TACC2: variants seen among roughly 807,000 people sequenced by gnomAD.
TACC2 encodes the protein transforming acidic coiled-coil containing protein 2, also known as transforming acidic coiled-coil-containing protein 2.
Under a neutral mutation model 227.3 loss-of-function variants are expected in TACC2, and 137 were observed. The ratio of observed to expected loss-of-function variants is 0.60; its 90% CI spans 0.52 to 0.69. TACC2 has a LOEUF of 0.69. TACC2 is among the 30% of genes least tolerant of loss of function. The pLI, the probability that TACC2 is intolerant of heterozygous loss-of-function variation, is 0.00. For missense variants in TACC2, 3,470 were observed against 3,694.4 expected (o/e 0.94, Z 1.57); for synonymous variants, 1,523 against 1,487.5 (o/e 1.02, Z -0.55).
At chr10:121,992,601 T>C (rs934178890) in intron 1 of TACC2, among the ~76,000 whole-genome samples, 2 of 152,206 alleles carry the variant, frequency 1.3e-5, no homozygotes, top group African/African-American at 4.8e-5. Context: ...ATTCTCTTTT[T>C]CTGCCTGATG....
At chr10:122,071,948 C>T (rs1186547561) in intron 3 of TACC2, among the ~76,000 whole-genome samples, 2 of 149,506 alleles carry the variant, frequency 1.3e-5, no homozygotes, top group African/African-American at 2.5e-5. Flanking sequence ...AATCCACATC[C>T]GCATACACAT....
chr10:122,147,635 T>C (rs11200432), intron 7 of TACC2, among the ~76,000 whole-genome samples: 5,717 of 152,342 alleles, frequency 0.038, 218 homozygotes, highest in East Asian at 0.19. Flanking sequence ...CATGTATTTA[T>C]ATCTGCATGG....
chr10:122,226,222 C>T (rs2095625316), intron 12 of TACC2, 144 bp from the exon 13 acceptor site: 1 of 623,494 alleles, frequency 1.6e-6, no homozygotes, highest in Non-Finnish European at 2.9e-6. Context: ...CCCACTTCCT[C>T]CTCTCTTCCT....
intron 3 of TACC2, 75 bp from the exon 4 acceptor site, chr10:122,082,572 T>TG: frequency 6.6e-7 from 1 of 1,507,448 alleles, no homozygotes. Flanking sequence ...GGGGGTGGGT[T>TG]GGGGGGTGAC....
chr10:122,240,176 TC>T (rs2095956047), intron 18 of TACC2, among the ~76,000 whole-genome samples: 1 of 152,164 alleles, frequency 6.6e-6, no homozygotes, highest in Non-Finnish European at 1.5e-5. Context: ...TATTTTCAGG[TC>T]CCCGGTCTCT....
In TACC2 at chr10:122,235,684, A is replaced by G. The variant is rs112311091; in HGVS notation, c.8128-1711A>G. Among the ~76,000 whole-genome samples the G allele has an allele frequency of 1.6e-3, 249 of 152,296 alleles. 1 individual carries two copies. Among genetic ancestry groups the G allele is most frequent in the African/African-American group, 5.7e-3 (236 of 41,568 alleles). ...TGAAACCCATTTTCCAATAGCAGAGATGAACCCCTGCATGTGAGGCTCCGG... is the reference window on the plus strand; with the variant it reads ...TGAAACCCATTTTCCAATAGCAGAGGTGAACCCCTGCATGTGAGGCTCCGG... On this transcript the variant is annotated intron_variant, in intron 16 of 22. Transcript: ENST00000369005.
intron 2 of TACC2, among the ~76,000 whole-genome samples, chr10:122,030,255 T>G (rs140867671): frequency 6.1e-4 from 93 of 152,226 alleles, no homozygotes; most frequent in African/African-American, 2.1e-3. Context: ...TGGGTTACAT[T>G]TTTCTCCCCA....
At chr10:122,237,674 C>A in intron 17 of TACC2, 136 bp downstream of exon 17, 2 of 1,141,532 alleles carry the variant, frequency 1.8e-6, no homozygotes, top group Non-Finnish European at 2.4e-6. Flanking sequence ...GCACACCATG[C>A]GTTTTGATCT....
chr10:122,229,362 C>T lies in TACC2; in HGVS notation c.7913C>T (p.Ser2638Phe), dbSNP rs1256343345. Residue 2638 changes from serine to phenylalanine, a missense_variant, in exon 15 of 23, where the codon TCC becomes TTC. Ser to Phe is a radical substitution (Grantham distance 155). Around this residue, in one of 10 missense-constraint regions of TACC2, gnomAD observed 345 missense variants for 354.4 expected, o/e 0.97. Coordinates refer to ENST00000369005, the MANE Select transcript of TACC2 (RefSeq NM_206862.4). ...EAIEITAPEGSFASADALLSR... is the reference protein window; with the variant it reads ...EAIEITAPEGFFASADALLSR... Reference sequence around the variant, plus strand: ...GGCTTTCAGACAGCTCCCGAGGGCTCCTTTGCCTCTGCTGACGCCCTCCTC... The same window carrying T: ...GGCTTTCAGACAGCTCCCGAGGGCTTCTTTGCCTCTGCTGACGCCCTCCTC... 3.1e-6 allele frequency: 5 copies of T among 1,613,956 alleles called. No homozygotes were observed. The highest frequency in any genetic ancestry group is 1.7e-5 in the Admixed American group (1 of 59,998).
At position 122,237,448 on chromosome 10, in the gene TACC2, C is replaced by G. The variant is rs745530967; in HGVS notation, c.8181C>G (p.Ser2727=). The G allele has an allele frequency of 4.3e-6, 7 of 1,614,026 alleles. No homozygotes were observed. Among genetic ancestry groups the G allele is most frequent in the African/African-American group, 4.0e-5 (3 of 74,906 alleles). Reference sequence around the variant, plus strand: ...CCATCTCCAAAACAGCCTTGTACTCCCGCATCGGGACCGCTGAGGTGGAGA... The same window carrying G: ...CCATCTCCAAAACAGCCTTGTACTCGCGCATCGGGACCGCTGAGGTGGAGA... ...DVSISKTALY[S]RIGTAEVEKP... is the part of the protein sequence containing the mutation. The change falls in exon 17 of 23, where the codon TCC becomes TCG. Residue 2727 remains serine (S), a synonymous_variant. Transcript: ENST00000369005.
At chr10:122,082,438 T>C (rs1213233126) in intron 3 of TACC2, among the ~76,000 whole-genome samples, 1 of 151,950 alleles carries the variant, frequency 6.6e-6, no homozygotes, top group African/African-American at 2.4e-5. Context: ...TACCCTGCAG[T>C]GGTTTTTGGG....
chr10:122,104,131 G>A (rs1565311401), intron 5 of TACC2, among the ~76,000 whole-genome samples: 1 of 152,098 alleles, frequency 6.6e-6, no homozygotes, highest in East Asian at 1.9e-4. Context: ...CTTGATGAAT[G>A]ACTTAATCAT....
intron 2 of TACC2, among the ~76,000 whole-genome samples, chr10:122,028,561 G>A (rs933299908): frequency 6.6e-6 from 1 of 152,116 alleles, no homozygotes; most frequent in African/African-American, 2.4e-5. Context: ...TTTGCATGCT[G>A]ATTTTGTATC....
chr10:122,172,087 C>G (rs767196223), intron 7 of TACC2, among the ~76,000 whole-genome samples: 12 of 152,148 alleles, frequency 7.9e-5, no homozygotes, highest in Non-Finnish European at 1.8e-4. Flanking sequence ...GTACCTGACA[C>G]CTGTTGAGAC....
At chr10:122,230,489 C>A in intron 16 of TACC2, 49 bp downstream of exon 16, 1 of 1,533,162 alleles carries the variant, frequency 6.5e-7, no homozygotes, top group Non-Finnish European at 9.0e-7. Flanking sequence ...GTCATGTGTG[C>A]CGCTGGGGTC....
At chr10:122,192,914 C>T (rs562634760) in intron 7 of TACC2, 1 of 375,114 alleles carries the variant, frequency 2.7e-6, no homozygotes, top group Admixed American at 3.0e-5. Flanking sequence ...GCTCGCCAGG[C>T]TGATCTGAAC....
At chr10:122,107,422 C>G (rs1006148046) in intron 5 of TACC2, among the ~76,000 whole-genome samples, 1 of 151,978 alleles carries the variant, frequency 6.6e-6, no homozygotes, top group Non-Finnish European at 1.5e-5. Flanking sequence ...AACCCCGTCT[C>G]TACTAAAAAT....
chr10:122,050,215 T>C lies in TACC2; in HGVS notation c.34-223T>C, dbSNP rs1356893760. 6.6e-6 allele frequency among the ~76,000 whole-genome samples: 1 copy of C among 152,190 alleles called. No homozygotes were observed. Among genetic ancestry groups the C allele is most frequent in the Non-Finnish European group, 1.5e-5 (1 of 68,028 alleles). ...TCAGTTGGAACTGCTTGTTTGACTT[T>C]GTTTCTTCCCCACTGGATGAGAGCA... On this transcript the variant is annotated intron_variant, in intron 2 of 22. Coordinates refer to ENST00000369005, the MANE Select transcript of TACC2 (RefSeq NM_206862.4). This position sits in a 1 kb window ranked among gnomAD's most constrained non-coding sequence, Gnocchi z 4.6.
intron 19 of TACC2, chr10:122,246,545 T>G (rs938926824): frequency 6.6e-6 from 1 of 152,250 alleles, no homozygotes; most frequent in Non-Finnish European, 1.5e-5. Flanking sequence ...AGGCTTGGCT[T>G]TGGGCTCTGC....
Sources: allele counts gnomAD v4.1 joint callset (sites outside exome capture counted in the v4.1 genomes callset), GRCh38; gene constraint gnomAD v4.1.1; regional missense constraint gnomAD v4.1.1; non-coding constraint Gnocchi (gnomAD v3.1); transcripts MANE v1.5; gene names NCBI Gene and HGNC (gene_info 2026-07-23, HGNC 2026-07-21).